MYH9: variants seen among roughly 807,000 people sequenced by gnomAD.
The protein encoded by MYH9 is myosin-9.
In MYH9, 29 loss-of-function variants were observed where a neutral mutation model predicts 241.9. The observed-to-expected ratio is 0.12, with a 90% CI of 0.09 to 0.16. MYH9 has a LOEUF of 0.16. Among genes scored for constraint, MYH9 ranks in the 10% least tolerant of loss-of-function variants. The probability of loss-of-function intolerance (pLI) is 1.00; values close to 1 mark genes in which losing one functional copy is unlikely to be tolerated. For synonymous variants in MYH9, 1,047 were observed against 1,062.6 expected (o/e 0.99, Z 0.29); for missense variants, 1,803 against 2,595.5 (o/e 0.69, Z 6.63).
chr22:36,322,861 C>A (rs1412375069), intron 5 of MYH9, among the ~76,000 whole-genome samples: 1 of 151,814 alleles, frequency 6.6e-6, no homozygotes, highest in Non-Finnish European at 1.5e-5. Flanking sequence ...GGCACAGACA[C>A]CCTGGGACAG....
intron 3 of MYH9, 109 bp downstream of exon 3, chr22:36,341,261 C>G (rs2017584376): frequency 7.1e-7 from 1 of 1,415,278 alleles, no homozygotes; most frequent in African/African-American, 1.4e-5. Context: ...CTGCCCATCA[C>G]CAGCCACTAG....
intron 1 of MYH9, among the ~76,000 whole-genome samples, chr22:36,362,792 T>A (rs1196343730): frequency 6.6e-6 from 1 of 152,154 alleles, no homozygotes; most frequent in Non-Finnish European, 1.5e-5. Flanking sequence ...CATTTCTTAA[T>A]GAATAAATCA....
intron 1 of MYH9, among the ~76,000 whole-genome samples, chr22:36,363,809 T>A (rs1261919880): frequency 2.0e-5 from 3 of 152,196 alleles, no homozygotes; most frequent in Non-Finnish European, 4.4e-5. Flanking sequence ...AAGGGTTTGG[T>A]TGGGTTCACC....
intron 2 of MYH9, among the ~76,000 whole-genome samples, chr22:36,345,909 G>A (rs544303389): frequency 2.6e-5 from 4 of 152,234 alleles, no homozygotes; most frequent in Non-Finnish European, 4.4e-5. Context: ...AGCACTTTGG[G>A]AGGACGAGGT....
intron 1 of MYH9, among the ~76,000 whole-genome samples, chr22:36,375,619 A>G (rs963483426): frequency 2.6e-5 from 4 of 152,216 alleles, no homozygotes; most frequent in African/African-American, 4.8e-5. Flanking sequence ...GAGCTGGAGC[A>G]CCCAAGTTTG....
Position 36,300,469 on chromosome 22 carries a change from C to A in MYH9, c.2839-205G>T, listed in dbSNP as rs564595266. The stretch of plus-strand genomic sequence containing the variant: ...GGGCCCAAGCCCCATTTGTAGGATT[C>A]CAGATTTCAAACTGGGACACAGGGC... On this transcript the variant is annotated intron_variant, in intron 22 of 40. Transcript: ENST00000216181. The surrounding 1 kb of genome is among the most constrained non-coding windows in gnomAD (Gnocchi z 5.0). Among the ~76,000 whole-genome samples, 4 of 152,352 alleles carry A rather than the reference C, an allele frequency of 2.6e-5. No individual in the cohort carries two copies. In the East Asian group the frequency reaches 7.7e-4, roughly 29 times the overall value.
intron 1 of MYH9, among the ~76,000 whole-genome samples, chr22:36,369,751 T>C: frequency 6.6e-6 from 1 of 152,014 alleles, no homozygotes; most frequent in East Asian, 1.9e-4. Flanking sequence ...GTGGTTGAAG[T>C]GGGATGAGAA....
At position 36,296,987 on chromosome 22, in the gene MYH9, C is replaced by T. The variant is rs957892036; in HGVS notation, c.3128G>A (p.Arg1043Gln). 9 of 1,614,118 alleles carry T rather than the reference C, an allele frequency of 5.6e-6. No individual in the cohort carries two copies. Among genetic ancestry groups the T allele is most frequent in the South Asian group, 2.2e-5 (2 of 91,090 alleles). Residue 1043 changes from arginine to glutamine, a missense_variant, in exon 25 of 41, where the codon CGA (arginine) becomes CAA (glutamine). By Grantham distance (43) the Arg-to-Gln change is conservative. This residue lies in a region of MYH9 where 290 missense variants were observed against 360.5 expected (regional missense o/e 0.80). Coordinates refer to ENST00000216181, the MANE Select transcript of MYH9 (RefSeq NM_002473.6). Reference protein sequence around the residue: ...EERLRREEKQRQELEKTRRKL... With the variant: ...EERLRREEKQQQELEKTRRKL... ...CCGGCGGGTCTTCTCCAGCTCCTGT[C>T]GCTGCTTCTCCTCCCTGCGGAGGCG... is the stretch of plus-strand genomic sequence containing the variant.
At chr22:36,296,778 C>A in intron 25 of MYH9, 65 bp downstream of exon 25, 2 of 1,517,290 alleles carry the variant, frequency 1.3e-6, no homozygotes, top group South Asian at 2.5e-5. Context: ...AGAACTAGGG[C>A]CAGCAGCAAG....
chr22:36,373,257 C>A (rs1488881432), intron 1 of MYH9, among the ~76,000 whole-genome samples: 3 of 152,174 alleles, frequency 2.0e-5, no homozygotes, highest in Non-Finnish European at 4.4e-5. Flanking sequence ...TGCCCCTGCC[C>A]TCAGCTGCCC....
intron 1 of MYH9, among the ~76,000 whole-genome samples, chr22:36,383,498 T>C (rs867646553): frequency 6.6e-6 from 1 of 152,026 alleles, no homozygotes; most frequent in South Asian, 2.1e-4. Context: ...GAATAGGCAG[T>C]CCACAACCAC....
chr22:36,285,984 G>C lies in MYH9; in HGVS notation c.5062-31C>G. On this transcript the variant is annotated intron_variant, in intron 35 of 40. Coordinates refer to ENST00000216181, the MANE Select transcript of MYH9 (RefSeq NM_002473.6). The surrounding 1 kb of genome is among the most constrained non-coding windows in gnomAD (Gnocchi z 7.0). ...ACAAAGACCCAGAGTGTGACCTAAA[G>C]GCAGCCACAGCCCCACAAGACCATC... The C allele has an allele frequency of 6.2e-7, 1 of 1,606,206 alleles. No homozygotes were observed. The highest frequency in any genetic ancestry group is 1.3e-5 in the African/African-American group (1 of 75,028).
intron 1 of MYH9, among the ~76,000 whole-genome samples, chr22:36,367,307 G>C (rs976604412): frequency 6.6e-6 from 1 of 152,124 alleles, no homozygotes; most frequent in African/African-American, 2.4e-5. Flanking sequence ...CACTGCTCTG[G>C]GGTGCCCTGG....
chr22:36,349,051 C>T lies in MYH9; in HGVS notation c.186G>A (p.Gly62=), dbSNP rs757943405. The change falls in exon 2 of 41, where the codon GGG becomes GGA. Residue 62 remains glycine (G), a synonymous_variant. Transcript: ENST00000216181. Reference sequence around the variant, plus strand: ...CATCCTTGTTCACCTTCACCTTCTTCCCATTCTCCACCAGCTCCACGATGG... The same window carrying T: ...CATCCTTGTTCACCTTCACCTTCTTTCCATTCTCCACCAGCTCCACGATGG... The part of the protein sequence containing the change: ...EEAIVELVEN[G]KKVKVNKDDI... 2.5e-6 allele frequency: 4 copies of T among 1,614,138 alleles called. No individual in the cohort carries two copies. Among genetic ancestry groups the T allele is most frequent in the Non-Finnish European group, 2.5e-6 (3 of 1,180,056 alleles).
intron 1 of MYH9, among the ~76,000 whole-genome samples, chr22:36,358,786 A>G (rs567831822): frequency 6.6e-6 from 1 of 152,270 alleles, no homozygotes; most frequent in African/African-American, 2.4e-5. Flanking sequence ...CTCCTTTCTG[A>G]TGACTCACAA....
In MYH9 at chr22:36,348,767, C is replaced by A. The variant is rs73167642; in HGVS notation, c.333+137G>T. 1,079 of 807,548 alleles carry A rather than the reference C, an allele frequency of 1.3e-3. 3 individuals carry two copies. Among genetic ancestry groups the A allele is most frequent in the Non-Finnish European group, 2.0e-3 (968 of 479,858 alleles). The allele number at this position is 807,548 out of a possible 1,614,324, so 50.0% of individuals were successfully genotyped here. A position where few individuals can be genotyped will look rare whatever the true frequency, so the allele number is the denominator to read the frequency against. ...CAGATGTCAAAGTTCAAGGATGTCA[C>A]CCCAGCACTCCTTCAAGCCCCCTTC... On this transcript the variant is annotated intron_variant, in intron 2 of 40. Coordinates refer to ENST00000216181, the MANE Select transcript of MYH9 (RefSeq NM_002473.6).
chr22:36,290,349 A>C (rs1175685048), intron 31 of MYH9, among the ~76,000 whole-genome samples: 3 of 151,578 alleles, frequency 2.0e-5, no homozygotes, highest in Non-Finnish European at 4.4e-5. Flanking sequence ...AAAAAAAAAA[A>C]AAAAAAAAAC....
chr22:36,337,457 G>A (rs2146380469), intron 3 of MYH9, among the ~76,000 whole-genome samples: 1 of 152,280 alleles, frequency 6.6e-6, no homozygotes, highest in African/African-American at 2.4e-5. Context: ...GGAACAACAG[G>A]CATAAATCAG....
At chr22:36,290,767 G>A (rs917704443) in intron 31 of MYH9, among the ~76,000 whole-genome samples, 6 of 146,466 alleles carry the variant, frequency 4.1e-5, no homozygotes, top group African/African-American at 7.7e-5. Context: ...GCCGCCCATC[G>A]TCTGAGATGT....
Sources: allele counts gnomAD v4.1 joint callset (sites outside exome capture counted in the v4.1 genomes callset), GRCh38; gene constraint gnomAD v4.1.1; regional missense constraint gnomAD v4.1.1; non-coding constraint Gnocchi (gnomAD v3.1); transcripts MANE v1.5; gene names NCBI Gene and HGNC (gene_info 2026-07-23, HGNC 2026-07-21).